Variants in NRG3 observed in about 807,000 individuals in gnomAD.
The protein encoded by NRG3 is neuregulin 3, also known as pro-neuregulin-3, membrane-bound isoform.
In NRG3, 31 loss-of-function variants were observed where a neutral mutation model predicts 66.9. That is an observed-to-expected ratio of 0.46 (90% CI 0.35 to 0.63). The LOEUF (loss-of-function observed/expected upper bound fraction) is 0.63, where lower values mean the gene tolerates loss of function less well. NRG3 is among the 20% of genes least tolerant of loss of function. NRG3 has a pLI of 0.00. For synonymous variants in NRG3, 393 were observed against 359.4 expected (o/e 1.09, Z -1.06); for missense variants, 910 against 878.9 (o/e 1.04, Z -0.45).
intron 1 of NRG3, among the ~76,000 whole-genome samples, chr10:82,190,449 G>GTTGATA (rs2074072807): frequency 6.6e-6 from 1 of 152,084 alleles, no homozygotes; most frequent in Non-Finnish European, 1.5e-5. Context: ...CATATGCAAA[G>GTTGATA]TTGATATCAA....
chr10:82,910,046 G>C (rs975497484), intron 4 of NRG3, among the ~76,000 whole-genome samples: 1 of 152,194 alleles, frequency 6.6e-6, no homozygotes, highest in Non-Finnish European at 1.5e-5. Context: ...AGTGGATCCA[G>C]TAGTGTCATG....
chr10:82,181,874 G>C lies in NRG3; in HGVS notation c.824-176865G>C, dbSNP rs752858590. Among the ~76,000 whole-genome samples, 49 of 151,796 alleles carry C rather than the reference G, an allele frequency of 3.2e-4. 1 individual carries two copies. The highest frequency in any genetic ancestry group is 6.1e-4 in the Non-Finnish European group (41 of 67,692). On this transcript the variant is annotated intron_variant, in intron 1 of 8. Transcript: ENST00000372141. ...TATTGAAAGGTTCTACTGTTATTGT[G>C]TTGCTGTGTATTTCTCCCTTCAGTT...
intron 2 of NRG3, among the ~76,000 whole-genome samples, chr10:82,432,708 T>C (rs1333328642): frequency 6.6e-6 from 1 of 152,106 alleles, no homozygotes; most frequent in Non-Finnish European, 1.5e-5. Flanking sequence ...AATGAGAATA[T>C]GCTGTGTTTG....
intron 4 of NRG3, among the ~76,000 whole-genome samples, chr10:82,894,229 GTAATA>G (rs1366555381): frequency 6.6e-6 from 1 of 152,166 alleles, no homozygotes; most frequent in Non-Finnish European, 1.5e-5. Flanking sequence ...TTCCTGTAAT[GTAATA>G]TTTCTTCCAT....
chr10:82,721,292 C>T (rs1591307128), intron 2 of NRG3, among the ~76,000 whole-genome samples: 1 of 150,064 alleles, frequency 6.7e-6, no homozygotes, highest in Admixed American at 6.7e-5. Context: ...CCACCATGCC[C>T]GGCTAATTTT....
intron 3 of NRG3, among the ~76,000 whole-genome samples, chr10:82,759,163 C>G (rs1240831438): frequency 7.5e-6 from 1 of 133,246 alleles, no homozygotes; most frequent in Non-Finnish European, 1.7e-5. Flanking sequence ...TTAAAAGGAG[C>G]CTGGCTTTCT....
intron 1 of NRG3, chr10:81,889,694 A>G (rs1465021944): frequency 6.6e-6 from 1 of 152,220 alleles, no homozygotes; most frequent in Non-Finnish European, 1.5e-5. Flanking sequence ...AACATTTATA[A>G]TACATCAGCT....
intron 1 of NRG3, among the ~76,000 whole-genome samples, chr10:82,147,160 T>C (rs2070323908): frequency 6.6e-6 from 1 of 152,172 alleles, no homozygotes; most frequent in Non-Finnish European, 1.5e-5. Flanking sequence ...CACTTACAAA[T>C]CACTAACATC....
At chr10:82,840,205 GAC>G (rs1361803629) in intron 3 of NRG3, among the ~76,000 whole-genome samples, 1 of 152,160 alleles carries the variant, frequency 6.6e-6, no homozygotes, top group Non-Finnish European at 1.5e-5. Context: ...GTAGGACAAA[GAC>G]ATGGTTTTCC....
At position 82,277,283 on chromosome 10, in the gene NRG3, G is replaced by A. The variant is rs150504618; in HGVS notation, c.824-81456G>A. 4.8e-3 allele frequency among the ~76,000 whole-genome samples: 726 copies of A among 152,038 alleles called. 6 individuals are homozygous for A. Among genetic ancestry groups the A allele is most frequent in the African/African-American group, 0.017 (696 of 41,514 alleles). On this transcript the variant is annotated intron_variant, in intron 1 of 8. Coordinates refer to ENST00000372141, the MANE Select transcript of NRG3 (RefSeq NM_001010848.4). The stretch of plus-strand genomic sequence containing the variant: ...TAGTTTAGCAAATATTTCTGTTGAT[G>A]GTTTTCACTGGAACAGAGCTTGCTG...
intron 1 of NRG3, among the ~76,000 whole-genome samples, chr10:82,026,197 T>C (rs889094285): frequency 6.6e-6 from 1 of 152,090 alleles, no homozygotes; most frequent in African/African-American, 2.4e-5. Context: ...ACAAGGATTC[T>C]GAGTCAATTG....
chr10:82,896,181 C>T (rs1402586426), intron 4 of NRG3, among the ~76,000 whole-genome samples: 1 of 152,168 alleles, frequency 6.6e-6, no homozygotes, highest in Non-Finnish European at 1.5e-5. Flanking sequence ...ATTTATTGAG[C>T]CTCTTCAACA....
intron 2 of NRG3, among the ~76,000 whole-genome samples, chr10:82,558,443 G>A (rs945560576): frequency 6.6e-6 from 1 of 152,054 alleles, no homozygotes; most frequent in African/African-American, 2.4e-5. Context: ...GATGATCTAA[G>A]CCTAGTTCTG....
intron 2 of NRG3, among the ~76,000 whole-genome samples, chr10:82,598,317 T>C (rs546393073): frequency 1.3e-5 from 2 of 152,332 alleles, no homozygotes; most frequent in African/African-American, 4.8e-5. Flanking sequence ...ATAAGTTTAA[T>C]GGAAGGCAGT....
At chr10:82,539,641 T>G (rs2043394016) in intron 2 of NRG3, among the ~76,000 whole-genome samples, 1 of 152,076 alleles carries the variant, frequency 6.6e-6, no homozygotes, top group Non-Finnish European at 1.5e-5. Context: ...TTTTTGTTTT[T>G]GTTTTTGTTT....
intron 1 of NRG3, among the ~76,000 whole-genome samples, chr10:81,992,677 T>A (rs1303847992): frequency 2.0e-5 from 3 of 152,156 alleles, no homozygotes; most frequent in East Asian, 1.9e-4. Context: ...CCTTCAGAGG[T>A]CTCTCCTGTC....
At chr10:82,144,167 C>G (rs566887594) in intron 1 of NRG3, among the ~76,000 whole-genome samples, 1 of 152,186 alleles carries the variant, frequency 6.6e-6, no homozygotes, top group Non-Finnish European at 1.5e-5. Context: ...AAATTTGACT[C>G]TTATGACTTC....
intron 1 of NRG3, among the ~76,000 whole-genome samples, chr10:82,030,688 T>C (rs1214766569): frequency 1.4e-5 from 2 of 141,838 alleles, no homozygotes; most frequent in Admixed American, 6.9e-5. Flanking sequence ...CCAACAGAAA[T>C]GTCTAATTTG....
chr10:82,935,474 A>G (rs1847974078), intron 4 of NRG3, among the ~76,000 whole-genome samples: 1 of 152,248 alleles, frequency 6.6e-6, no homozygotes, highest in Non-Finnish European at 1.5e-5. Context: ...ACCATATGAC[A>G]GAATATTCTG....
Sources: gnomAD v4.1 joint callset for allele counts (sites outside exome capture counted in the v4.1 genomes callset) on GRCh38, gnomAD v4.1.1 for gene constraint, MANE v1.5 for transcripts, NCBI Gene and HGNC (gene_info 2026-07-23, HGNC 2026-07-21) for gene names.